CLTC: variants seen among roughly 807,000 people sequenced by gnomAD.
CLTC encodes clathrin heavy chain 1.
In CLTC, 16 loss-of-function variants were observed where a neutral mutation model predicts 195.8. The ratio of observed to expected loss-of-function variants is 0.08; its 90% CI spans 0.06 to 0.12. The LOEUF (loss-of-function observed/expected upper bound fraction) is 0.12. Ranked by LOEUF, CLTC falls within the 10% of genes least tolerant of loss-of-function variation. The pLI is 1.00. For missense variants in CLTC, 796 were observed against 2,027.0 expected (o/e 0.39, Z 11.66); for synonymous variants, 667 against 689.4 (o/e 0.97, Z 0.51).
rs1404445713 is a variant in CLTC, at chr17:59,664,071, A to G, written c.1521+77A>G. ...AGAAATTAGCCTGTATTAACTCTTG[A>G]TTACTTTAATAGTGAATTTCCTTTC... On this transcript the variant is annotated intron_variant, in intron 9 of 31. Transcript: ENST00000269122. 3 of 1,205,294 alleles carry G rather than the reference A, an allele frequency of 2.5e-6. No individual in the cohort carries two copies. The East Asian group carries it at 7.3e-5, about 29-fold the overall frequency. 74.7% of individuals were successfully genotyped at this position (1,205,294 alleles called of 1,614,324 possible).
At chr17:59,647,315 G>C in intron 2 of CLTC, 83 bp from the exon 3 acceptor site, 1 of 1,069,978 alleles carries the variant, frequency 9.3e-7, no homozygotes, top group South Asian at 1.6e-5. Context: ...ATTTTTGTTT[G>C]GAAGTGACAG....
At chr17:59,693,445 T>C (rs1218728169) in intron 31 of CLTC, among the ~76,000 whole-genome samples, 1 of 151,778 alleles carries the variant, frequency 6.6e-6, no homozygotes. Flanking sequence ...GTAATATGCA[T>C]GTAGGTATGT....
intron 1 of CLTC, among the ~76,000 whole-genome samples, chr17:59,636,855 C>T (rs138429570): frequency 0.015 from 2,229 of 151,542 alleles, 46 homozygotes; most frequent in African/African-American, 0.049. Context: ...CTCTGCCTCC[C>T]GGGTTCAAGC....
Position 59,695,713 on chromosome 17 carries a change from G to A in CLTC, c.*1861G>A, listed in dbSNP as rs1188110607. On this transcript the variant is annotated 3_prime_UTR_variant, in exon 32 of 32. Coordinates refer to ENST00000269122, the MANE Select transcript of CLTC (RefSeq NM_004859.4). ...GTTTCATCCAGGACATTAAGTGAAA[G>A]TGTTTAATGTGAGTGCAGGTCAGTG... 5.2e-6 allele frequency: 1 copy of A among 192,066 alleles called. No homozygotes were observed. The highest frequency in any genetic ancestry group is 1.1e-5 in the Non-Finnish European group (1 of 91,880). 11.9% of individuals were successfully genotyped at this position (192,066 alleles called of 1,614,324 possible). A position where few individuals can be genotyped will look rare whatever the true frequency, so the allele number is the denominator to read the frequency against.
Position 59,648,454 on chromosome 17 carries a change from G to T in CLTC, c.681+53G>T. ...AATGAGAACTTGTATTTGGCTTTCT[G>T]CTATGAATTAGTCATCTAATTTCAA... On this transcript the variant is annotated intron_variant, in intron 4 of 31. Transcript: ENST00000269122. The surrounding 1 kb of genome is among the most constrained non-coding windows in gnomAD (Gnocchi z 4.5). 6.7e-7 allele frequency: 1 copy of T among 1,492,672 alleles called. No individual in the cohort carries two copies. The highest frequency in any genetic ancestry group is 9.2e-7 in the Non-Finnish European group (1 of 1,092,814). 92.5% of individuals were successfully genotyped at this position (1,492,672 alleles called of 1,614,324 possible).
intron 1 of CLTC, among the ~76,000 whole-genome samples, chr17:59,641,732 A>G (rs1313613053): frequency 6.6e-6 from 1 of 152,100 alleles, no homozygotes; most frequent in Non-Finnish European, 1.5e-5. Flanking sequence ...GAAGGAGATC[A>G]AAGATATATA....
In CLTC at chr17:59,685,850, A is replaced by G; in HGVS notation, c.4827+42A>G. The G allele has an allele frequency of 7.0e-7, 1 of 1,425,788 alleles. No homozygotes were observed. Among genetic ancestry groups the G allele is most frequent in the Non-Finnish European group, 9.5e-7 (1 of 1,047,900 alleles). The allele number at this position is 1,425,788 out of a possible 1,614,324, so 88.3% of individuals were successfully genotyped here. A position where few individuals can be genotyped will look rare whatever the true frequency, so the allele number is the denominator to read the frequency against. On this transcript the variant is annotated intron_variant, in intron 30 of 31. Transcript: ENST00000269122. The surrounding 1 kb of genome is among the most constrained non-coding windows in gnomAD (Gnocchi z 5.0). ...GTGTATTCAGAACTAGTTTCCTTGC[A>G]TGTAAAATTCTACATGCACATTAAT...
chr17:59,643,609 T>C (rs1567939666), intron 1 of CLTC, among the ~76,000 whole-genome samples: 1 of 152,306 alleles, frequency 6.6e-6, no homozygotes, highest in South Asian at 2.1e-4. Flanking sequence ...CTCAATCCTA[T>C]AGTGTTACAA....
chr17:59,664,084 T>A, intron 9 of CLTC, 90 bp downstream of exon 9: 1 of 1,063,376 alleles, frequency 9.4e-7, no homozygotes, highest in Non-Finnish European at 1.3e-6. Context: ...ACTTTAATAG[T>A]GAATTTCCTT....
intron 1 of CLTC, among the ~76,000 whole-genome samples, chr17:59,630,419 G>A (rs1204471538): frequency 2.6e-5 from 4 of 152,124 alleles, no homozygotes; most frequent in Non-Finnish European, 2.9e-5. Context: ...TTTCAATTGC[G>A]ATAAAACTCA....
intron 17 of CLTC, among the ~76,000 whole-genome samples, chr17:59,677,864 C>A (rs1037559895): frequency 1.2e-4 from 19 of 152,072 alleles, no homozygotes; most frequent in African/African-American, 4.6e-4. Context: ...ATCAAATTAA[C>A]CATTTTAAAG....
In CLTC at chr17:59,695,420, C is replaced by G. The variant is rs2143626873; in HGVS notation, c.*1568C>G. ...CCTGTAATCCCAGCACTTTGGGAGG[C>G]TGAGGCAGGCGGATTGCTTGAGGCC... On this transcript the variant is annotated 3_prime_UTR_variant, in exon 32 of 32. Transcript: ENST00000269122. 5.6e-6 allele frequency: 1 copy of G among 178,460 alleles called. No homozygotes were observed. The highest frequency in any genetic ancestry group is 1.2e-5 in the Non-Finnish European group (1 of 83,184). The allele number at this position is 178,460 out of a possible 1,614,324, so 11.1% of individuals were successfully genotyped here.
Position 59,682,561 on chromosome 17 carries a change from T to A in CLTC, c.3601-68T>A, listed in dbSNP as rs1403064811. The A allele has an allele frequency of 1.3e-6, 2 of 1,584,668 alleles. No individual in the cohort carries two copies. Among genetic ancestry groups the A allele is most frequent in the Non-Finnish European group, 1.7e-6 (2 of 1,162,228 alleles). On this transcript the variant is annotated intron_variant, in intron 22 of 31. Coordinates refer to ENST00000269122, the MANE Select transcript of CLTC (RefSeq NM_004859.4). The surrounding 1 kb of genome is among the most constrained non-coding windows in gnomAD (Gnocchi z 6.8). ...CAAATTCTTTCTCATTGTGAAGATA[T>A]CAATTTGAAAAGAGGATTAAGCTCA...
intron 1 of CLTC, among the ~76,000 whole-genome samples, chr17:59,637,495 C>T (rs562372447): frequency 3.4e-5 from 5 of 149,196 alleles, no homozygotes; most frequent in Admixed American, 6.6e-5. Flanking sequence ...CCGCCCGCCT[C>T]GGCCTCCCAA....
rs1391986035 is a variant in CLTC, at chr17:59,660,591, A to G, written c.1167+3A>G. The G allele has an allele frequency of 6.2e-7, 1 of 1,613,558 alleles. No homozygotes were observed. Among genetic ancestry groups the G allele is most frequent in the African/African-American group, 1.3e-5 (1 of 74,916 alleles). On this transcript the variant is annotated splice_donor_region_variant and intron_variant, in intron 7 of 31. Coordinates refer to ENST00000269122, the MANE Select transcript of CLTC (RefSeq NM_004859.4). Reference sequence around the variant, plus strand: ...AGGTGGCTGCTAATGCACCAAAGGTAAAGAGTTATGAAAATGAAGTTGTCA... The same window carrying G: ...AGGTGGCTGCTAATGCACCAAAGGTGAAGAGTTATGAAAATGAAGTTGTCA...
chr17:59,623,782 A>T (rs2031459030), intron 1 of CLTC, among the ~76,000 whole-genome samples: 1 of 152,180 alleles, frequency 6.6e-6, no homozygotes, highest in South Asian at 2.1e-4. Context: ...TCAATGATGG[A>T]ACTGTCTACC....
intron 8 of CLTC, among the ~76,000 whole-genome samples, chr17:59,662,533 A>G (rs1310989644): frequency 6.6e-6 from 1 of 152,226 alleles, no homozygotes; most frequent in African/African-American, 2.4e-5. Context: ...GCCATTGTCA[A>G]GAACTGAAGT....
intron 16 of CLTC, among the ~76,000 whole-genome samples, chr17:59,675,453 T>C (rs1598235317): frequency 6.6e-6 from 1 of 152,190 alleles, no homozygotes; most frequent in African/African-American, 2.4e-5. Flanking sequence ...TGAGGTGGTA[T>C]GCTAGTGGGA....
At chr17:59,676,098 G>C (rs2032959545) in intron 16 of CLTC, among the ~76,000 whole-genome samples, 1 of 152,150 alleles carries the variant, frequency 6.6e-6, no homozygotes, top group South Asian at 2.1e-4. Flanking sequence ...CCCAGCTTCT[G>C]GGGAAGCTAA....
Sources: allele counts gnomAD v4.1 joint callset (sites outside exome capture counted in the v4.1 genomes callset), GRCh38; gene constraint gnomAD v4.1.1; non-coding constraint Gnocchi (gnomAD v3.1); transcripts MANE v1.5; gene names NCBI Gene and HGNC (gene_info 2026-07-23, HGNC 2026-07-21).